PDZRN4: variants seen among roughly 807,000 people sequenced by gnomAD.
The protein encoded by PDZRN4 is PDZ domain-containing RING finger protein 4.
In PDZRN4, 70 loss-of-function variants were observed where a neutral mutation model predicts 99.0. The ratio of observed to expected loss-of-function variants is 0.71; its 90% CI spans 0.58 to 0.86. The LOEUF (loss-of-function observed/expected upper bound fraction) is 0.86, where lower values mean the gene tolerates loss of function less well. Ranked by LOEUF, PDZRN4 falls within the 40% of genes least tolerant of loss-of-function variation. The probability of loss-of-function intolerance (pLI) is 0.00; values close to 1 mark genes in which losing one functional copy is unlikely to be tolerated. For synonymous variants in PDZRN4, 551 were observed against 501.6 expected, an observed-to-expected ratio of 1.10 and a Z score of -1.32; for missense variants, 1,474 against 1,331.2, an observed-to-expected ratio of 1.11 and a Z score of -1.67.
chr12:41,352,069 A>C (rs969539118), intron 3 of PDZRN4, among the ~76,000 whole-genome samples: 5 of 152,076 alleles, frequency 3.3e-5, no homozygotes, highest in Non-Finnish European at 4.4e-5. Context: ...AAAACTAAGG[A>C]GGTGACTATT....
intron 7 of PDZRN4, among the ~76,000 whole-genome samples, chr12:41,559,203 A>G (rs1156393385): frequency 1.2e-4 from 18 of 151,754 alleles, no homozygotes; most frequent in African/African-American, 4.4e-4. Flanking sequence ...ACACACACAC[A>G]CACGTGCTGT....
chr12:41,536,930 A>C (rs1938758917), intron 5 of PDZRN4, among the ~76,000 whole-genome samples: 1 of 152,170 alleles, frequency 6.6e-6, no homozygotes, highest in East Asian at 1.9e-4. Flanking sequence ...GTGCCTAGCA[A>C]TACCTACTGG....
chr12:41,405,761 A>G (rs1592046990), intron 3 of PDZRN4, among the ~76,000 whole-genome samples: 1 of 152,184 alleles, frequency 6.6e-6, no homozygotes, highest in Non-Finnish European at 1.5e-5. Context: ...GGAATACTAC[A>G]CAGCCATAAA....
intron 5 of PDZRN4, among the ~76,000 whole-genome samples, chr12:41,552,010 C>T (rs1446417469): frequency 6.6e-6 from 1 of 152,174 alleles, no homozygotes; most frequent in Non-Finnish European, 1.5e-5. Context: ...TGTTCATTTA[C>T]TGCTTCATTT....
intron 3 of PDZRN4, among the ~76,000 whole-genome samples, chr12:41,233,801 G>GC (rs1476404312): frequency 2.0e-5 from 3 of 151,866 alleles, no homozygotes; most frequent in African/African-American, 7.3e-5. Context: ...GGTGGGGGGA[G>GC]CGGGGGGGAG....
At chr12:41,391,873 C>T (rs1952213199) in intron 3 of PDZRN4, among the ~76,000 whole-genome samples, 1 of 152,122 alleles carries the variant, frequency 6.6e-6, no homozygotes, top group East Asian at 1.9e-4. Flanking sequence ...CAAAAATCAA[C>T]AAGTGATGAA....
At chr12:41,353,334 A>G (rs1480654567) in intron 3 of PDZRN4, among the ~76,000 whole-genome samples, 3 of 151,836 alleles carry the variant, frequency 2.0e-5, no homozygotes, top group Admixed American at 1.3e-4. Context: ...TTTTCCTGTC[A>G]TCTGAATTCC....
chr12:41,280,936 G>A (rs754777196), intron 3 of PDZRN4, among the ~76,000 whole-genome samples: 1 of 152,166 alleles, frequency 6.6e-6, no homozygotes, highest in African/African-American at 2.4e-5. Context: ...CTCCCAGCAG[G>A]GTTTGACAGA....
chr12:41,504,610 A>T (rs1938172603), intron 3 of PDZRN4, among the ~76,000 whole-genome samples: 1 of 152,122 alleles, frequency 6.6e-6, no homozygotes, highest in Admixed American at 6.6e-5. Context: ...TCTGCTGTCT[A>T]CATGTCCTCA....
chr12:41,454,633 CA>C (rs1952803445), intron 3 of PDZRN4, among the ~76,000 whole-genome samples: 1 of 152,104 alleles, frequency 6.6e-6, no homozygotes, highest in South Asian at 2.1e-4. Context: ...ACACTGGTCA[CA>C]AGGATGGCAG....
chr12:41,507,279 A>G (rs1938224411), intron 4 of PDZRN4, among the ~76,000 whole-genome samples: 1 of 152,162 alleles, frequency 6.6e-6, no homozygotes, highest in South Asian at 2.1e-4. Flanking sequence ...TCAAATAAAG[A>G]TCTATTCAAG....
chr12:41,228,857 A>G (rs543544175), intron 3 of PDZRN4, among the ~76,000 whole-genome samples: 1 of 152,114 alleles, frequency 6.6e-6, no homozygotes, highest in Non-Finnish European at 1.5e-5. Context: ...GTGTTTTTAT[A>G]TGTGAAATAA....
intron 3 of PDZRN4, among the ~76,000 whole-genome samples, chr12:41,315,629 A>G (rs1951633540): frequency 6.6e-6 from 1 of 152,160 alleles, no homozygotes; most frequent in Non-Finnish European, 1.5e-5. Flanking sequence ...AGCTTGTAAC[A>G]CTAGGAAAAT....
chr12:41,213,946 T>C (rs1427194250), intron 3 of PDZRN4, among the ~76,000 whole-genome samples: 2 of 151,760 alleles, frequency 1.3e-5, no homozygotes, highest in African/African-American at 4.8e-5. Flanking sequence ...AACCTCAGAG[T>C]TGTTATCAAG....
chr12:41,370,174 C>G (rs2121077376), intron 3 of PDZRN4, among the ~76,000 whole-genome samples: 1 of 152,046 alleles, frequency 6.6e-6, no homozygotes, highest in East Asian at 1.9e-4. Flanking sequence ...CCAATTTGCA[C>G]TTATTGTTGC....
chr12:41,334,085 A>G (rs1191064505), intron 3 of PDZRN4, among the ~76,000 whole-genome samples: 1 of 152,054 alleles, frequency 6.6e-6, no homozygotes, highest in East Asian at 1.9e-4. Context: ...TTATTTATGC[A>G]CGCCTCTTGG....
intron 5 of PDZRN4, among the ~76,000 whole-genome samples, chr12:41,536,483 A>G (rs1406034086): frequency 2.0e-5 from 3 of 152,192 alleles, no homozygotes; most frequent in Non-Finnish European, 4.4e-5. Context: ...ACTGTTCCAT[A>G]TGATACTATA....
chr12:41,432,270 A>G (rs1001891389), intron 3 of PDZRN4, among the ~76,000 whole-genome samples: 2 of 152,242 alleles, frequency 1.3e-5, no homozygotes, highest in Non-Finnish European at 2.9e-5. Context: ...TTTTTCTTTC[A>G]TAGACTTTCA....
intron 3 of PDZRN4, among the ~76,000 whole-genome samples, chr12:41,286,199 G>C (rs938630783): frequency 1.3e-5 from 2 of 151,288 alleles, no homozygotes; most frequent in Non-Finnish European, 2.9e-5. Flanking sequence ...AAGTATGCTG[G>C]TATATTAAAA....
Sources: allele counts gnomAD v4.1 joint callset (sites outside exome capture counted in the v4.1 genomes callset), GRCh38; gene constraint gnomAD v4.1.1; transcripts MANE v1.5; gene names NCBI Gene and HGNC (gene_info 2026-07-23, HGNC 2026-07-21).